ITGB5: variants seen among roughly 807,000 people sequenced by gnomAD.
The protein encoded by ITGB5 is integrin beta-5.
A neutral mutation model predicts 84.8 loss-of-function variants in ITGB5; 38 were observed. The ratio of observed to expected loss-of-function variants is 0.45; its 90% confidence interval spans 0.35 to 0.59. The LOEUF (loss-of-function observed/expected upper bound fraction) is 0.59. ITGB5 is among the 20% of genes least tolerant of loss of function. The pLI is 0.01. For synonymous variants in ITGB5, 393 were observed against 414.4 expected (o/e 0.95, Z 0.63); for missense variants, 905 against 1,034.5 (o/e 0.87, Z 1.72).
intron 9 of ITGB5, among the ~76,000 whole-genome samples, chr3:124,808,657 T>G (rs1484589300): frequency 6.6e-6 from 1 of 152,192 alleles, no homozygotes; most frequent in Non-Finnish European, 1.5e-5. Flanking sequence ...GGAACAGAGC[T>G]ATTTGCAGAA....
At chr3:124,804,037 T>C (rs1367212078) in intron 9 of ITGB5, among the ~76,000 whole-genome samples, 1 of 152,218 alleles carries the variant, frequency 6.6e-6, no homozygotes, top group Non-Finnish European at 1.5e-5. Flanking sequence ...GTATTCCTGC[T>C]TTCCATAAGG....
intron 2 of ITGB5, among the ~76,000 whole-genome samples, chr3:124,867,560 G>A (rs1048211932): frequency 1.3e-5 from 2 of 152,190 alleles, no homozygotes; most frequent in East Asian, 1.9e-4. Flanking sequence ...CGAGTGACAC[G>A]AGCATAAGCT....
At chr3:124,858,979 C>T (rs6778643) in intron 3 of ITGB5, among the ~76,000 whole-genome samples, 73,895 of 151,914 alleles carry the variant, frequency 0.49, 18,777 homozygotes, top group East Asian at 0.67. Context: ...CACTTGAAAA[C>T]GCTTAAATGG....
chr3:124,854,645 G>A (rs2065198849), intron 3 of ITGB5, among the ~76,000 whole-genome samples: 1 of 152,174 alleles, frequency 6.6e-6, no homozygotes, highest in Admixed American at 6.5e-5. Flanking sequence ...TCACGGGTAT[G>A]GGACTTCTTT....
rs564208861 is a variant in ITGB5 at position 124,817,527 on chromosome 3, G to A, written c.1128+94C>T. On this transcript the variant is annotated intron_variant, in intron 8 of 14. Transcript: ENST00000296181. ...GGAGCAGAGCCAAGAAGAGCAGCAC[G>A]GAGAACTGCCCACCTGAGCCCGCGG... 112 of 648,942 alleles carry A rather than the reference G, an allele frequency of 1.7e-4. 1 individual carries two copies. Among genetic ancestry groups the A allele is most frequent in the African/African-American group, 1.6e-3 (86 of 52,642 alleles). 40.2% of individuals were successfully genotyped at this position (648,942 alleles called of 1,614,324 possible).
chr3:124,829,516 C>T (rs1694718301), intron 5 of ITGB5, among the ~76,000 whole-genome samples: 2 of 152,196 alleles, frequency 1.3e-5, no homozygotes, highest in Non-Finnish European at 2.9e-5. Flanking sequence ...TCACTTGTTT[C>T]GTCACCCACA....
rs1312188573 is a variant in ITGB5 at position 124,762,501 on chromosome 3, T to C, written c.*1122A>G. On this transcript the variant is annotated 3_prime_UTR_variant, in exon 15 of 15. Coordinates refer to ENST00000296181, the MANE Select transcript of ITGB5 (RefSeq NM_002213.5). ...GATATGGGAACTTAAGGGGACTTCA[T>C]GGCCCTGCGGGAAAAAAGCTCAAAT... 2.6e-5 allele frequency: 4 copies of C among 152,330 alleles called. No individual in the cohort carries two copies. Among genetic ancestry groups the C allele is most frequent in the East Asian group, 3.9e-4 (2 of 5,190 alleles). The allele number at this position is 152,330 out of a possible 1,614,324, so 9.4% of individuals were successfully genotyped here. A position where few individuals can be genotyped will look rare whatever the true frequency, so the allele number is the denominator to read the frequency against.
At chr3:124,849,181 CCAGA>C (rs1198117589) in intron 3 of ITGB5, among the ~76,000 whole-genome samples, 1 of 152,150 alleles carries the variant, frequency 6.6e-6, no homozygotes, top group Non-Finnish European at 1.5e-5. Context: ...GGACAGTGAA[CCAGA>C]CAATTTCATG....
chr3:124,817,545 G>A lies in ITGB5; in HGVS notation c.1128+76C>T, dbSNP rs1579244195. The A allele has an allele frequency of 6.7e-6, 5 of 751,632 alleles. No individual in the cohort carries two copies. The East Asian group carries it at 1.4e-4, about 21-fold the overall frequency. The allele number at this position is 751,632 out of a possible 1,614,324, so 46.6% of individuals were successfully genotyped here. ...GCAGCACGGAGAACTGCCCACCTGA[G>A]CCCGCGGCAGCTGCAGGGCCTCAGT... On this transcript the variant is annotated intron_variant, in intron 8 of 14. Transcript: ENST00000296181.
At chr3:124,764,631 C>CT (rs1289724359) in intron 13 of ITGB5, 74 bp from the exon 14 acceptor site, 1 of 1,480,028 alleles carries the variant, frequency 6.8e-7, no homozygotes, top group Non-Finnish European at 9.2e-7. Context: ...GCAGGCATTT[C>CT]TGAGATGAAA....
chr3:124,801,142 C>A (rs72972531), intron 9 of ITGB5, among the ~76,000 whole-genome samples: 199 of 152,190 alleles, frequency 1.3e-3, no homozygotes, highest in African/African-American at 4.7e-3. Flanking sequence ...TGGACGGGAG[C>A]GGGGAGGGGG....
intron 2 of ITGB5, among the ~76,000 whole-genome samples, chr3:124,861,588 A>T (rs2065304145): frequency 7.1e-6 from 1 of 140,158 alleles, no homozygotes; most frequent in African/African-American, 2.7e-5. Flanking sequence ...TTTTAGACAC[A>T]GTCTTGCTCT....
At chr3:124,764,282 G>GT in intron 14 of ITGB5, 109 bp downstream of exon 14, 4 of 1,195,838 alleles carry the variant, frequency 3.3e-6, no homozygotes, top group Non-Finnish European at 4.7e-6. Flanking sequence ...TGATTCTTTT[G>GT]TTTTTAATGC....
chr3:124,890,263 G>A (rs182977555), upstream of ITGB5, among the ~76,000 whole-genome samples: 584 of 144,016 alleles, frequency 4.1e-3, 2 homozygotes, highest in Admixed American at 6.8e-3. Flanking sequence ...GAGTGCAGTG[G>A]CACAATCTCA....
At chr3:124,898,747 C>G (rs867736938) in intron 1 of ITGB5, among the ~76,000 whole-genome samples, 1 of 110,926 alleles carries the variant, frequency 9.0e-6, no homozygotes, top group African/African-American at 3.4e-5. Context: ...CTGGTCAACA[C>G]AGCAAAACCG....
chr3:124,782,456 G>A (rs976222323), intron 10 of ITGB5, among the ~76,000 whole-genome samples: 1 of 152,212 alleles, frequency 6.6e-6, no homozygotes, highest in African/African-American at 2.4e-5. Flanking sequence ...CTGGGGACAT[G>A]GGAAGACTAT....
At chr3:124,880,161 G>A (rs1282350786) in intron 1 of ITGB5, among the ~76,000 whole-genome samples, 3 of 152,058 alleles carry the variant, frequency 2.0e-5, no homozygotes, top group African/African-American at 7.2e-5. Context: ...ACAAGGAAAA[G>A]ACTGAGAAAC....
At chr3:124,866,083 C>T (rs891765005) in intron 2 of ITGB5, among the ~76,000 whole-genome samples, 2 of 151,900 alleles carry the variant, frequency 1.3e-5, no homozygotes, top group African/African-American at 4.8e-5. Flanking sequence ...GCAACTTCTG[C>T]CTCCTGGGGT....
At chr3:124,780,504 C>T (rs2063987973) in intron 10 of ITGB5, among the ~76,000 whole-genome samples, 1 of 152,360 alleles carries the variant, frequency 6.6e-6, no homozygotes, top group South Asian at 2.1e-4. Context: ...TCCTTGGCTT[C>T]CCTCAGCACA....
Sources: gnomAD v4.1 joint callset for allele counts (sites outside exome capture counted in the v4.1 genomes callset) on GRCh38, gnomAD v4.1.1 for gene constraint, MANE v1.5 for transcripts, NCBI Gene and HGNC (gene_info 2026-07-23, HGNC 2026-07-21) for gene names.